Variants in RAB26 observed in about 807,000 individuals in gnomAD.
The protein encoded by RAB26 is ras-related protein Rab-26.
RAB26 carries 39 observed loss-of-function variants against 33.1 expected under a neutral mutation model. That is an observed-to-expected ratio of 1.18 (90% CI 0.91 to 1.54). RAB26 has a LOEUF of 1.54. Among genes scored for constraint, RAB26 ranks in the 40% most tolerant of loss-of-function variants. The probability of loss-of-function intolerance (pLI) is 0.00; values close to 1 mark genes in which losing one functional copy is unlikely to be tolerated. For synonymous variants in RAB26, 192 were observed against 151.9 expected (o/e 1.26, Z -1.94); for missense variants, 468 against 362.9 (o/e 1.29, Z -2.35).
chr16:2,149,005 C>T, intron 1 of RAB26, 27 bp downstream of exon 1: 1 of 1,266,262 alleles, frequency 7.9e-7, no homozygotes, highest in Non-Finnish European at 9.9e-7. Flanking sequence ...CCCCCCAGGC[C>T]AGCGCAGCAG....
upstream of RAB26, chr16:2,148,427 C>T (rs1267179761): frequency 6.6e-6 from 1 of 152,258 alleles, no homozygotes; most frequent in African/African-American, 2.4e-5. Context: ...TGTCACCCCA[C>T]AGCTGGCTCC....
At position 2,148,988 on chromosome 16, in the gene RAB26, G is replaced by C; in HGVS notation, c.195+10G>C. The C allele has an allele frequency of 1.6e-6, 2 of 1,274,252 alleles. No individual in the cohort carries two copies. Among genetic ancestry groups the C allele is most frequent in the Non-Finnish European group, 9.9e-7 (1 of 1,009,502 alleles). 78.9% of individuals were successfully genotyped at this position (1,274,252 alleles called of 1,614,324 possible). On this transcript the variant is annotated intron_variant, in intron 1 of 8. Coordinates refer to ENST00000210187, the MANE Select transcript of RAB26 (RefSeq NM_014353.5). ...CGACGTCGCCTTCAAGGTGAGCCAG[G>C]CACCCGCCCCCCAGGCCAGCGCAGC...
intron 2 of RAB26, 122 bp from the exon 3 acceptor site, chr16:2,151,447 C>G: frequency 7.1e-7 from 1 of 1,409,204 alleles, no homozygotes; most frequent in African/African-American, 1.4e-5. Context: ...TAAGGGAAGC[C>G]TGCAGGGGCT....
chr16:2,151,733 T>TA lies in RAB26; in HGVS notation c.388dup (p.Thr130AsnfsTer24). On this transcript the variant is annotated frameshift_variant, in exon 4 of 9. Coordinates refer to ENST00000210187, the MANE Select transcript of RAB26 (RefSeq NM_014353.5). LOFTEE classifies it high-confidence loss of function. ...CTGGTCAGGAGCGGTTCCGCAGTGTTACCCATGCCTACTACCGGGATGCTC... is the reference window on the plus strand; with the variant it reads ...CTGGTCAGGAGCGGTTCCGCAGTGTTAACCCATGCCTACTACCGGGATGCTC... 6.2e-7 allele frequency: 1 copy of TA among 1,613,962 alleles called. No individual in the cohort carries two copies. Among genetic ancestry groups the TA allele is most frequent in the Non-Finnish European group, 8.5e-7 (1 of 1,180,024 alleles).
chr16:2,148,876 C>G lies in RAB26; in HGVS notation c.93C>G (p.Ser31=). 7.3e-7 allele frequency: 1 copy of G among 1,377,454 alleles called. No individual in the cohort carries two copies. The highest frequency in any genetic ancestry group is 3.1e-5 in the East Asian group (1 of 32,666). 85.3% of individuals were successfully genotyped at this position (1,377,454 alleles called of 1,614,324 possible). ...PTANGARPAR[S]GTALSGPDAP... is the part of the protein sequence containing the mutation. The stretch of plus-strand genomic sequence containing the variant: ...CCAACGGGGCCCGACCGGCGCGCTC[C>G]GGGACTGCGCTTTCCGGCCCCGACG... Residue 31 remains serine, a synonymous_variant, in exon 1 of 9, where the codon TCC becomes TCG. Coordinates refer to ENST00000210187, the MANE Select transcript of RAB26 (RefSeq NM_014353.5).
Position 2,151,708 on chromosome 16 carries a change from C to T in RAB26, c.362C>T (p.Ala121Val). ...CTGTCGCTGCAGATGTGGGACACAG[C>T]TGGTCAGGAGCGGTTCCGCAGTGTT... ...VKVKLQMWDT[A>V]GQERFRSVTH... is the part of the protein sequence containing the mutation. The change falls in exon 4 of 9, where the codon GCT becomes GTT. Residue 121 changes from alanine (A) to valine (V), a missense_variant. Coordinates refer to ENST00000210187, the MANE Select transcript of RAB26 (RefSeq NM_014353.5). The T allele has an allele frequency of 6.2e-7, 1 of 1,613,984 alleles. No individual in the cohort carries two copies. The highest frequency in any genetic ancestry group is 8.5e-7 in the Non-Finnish European group (1 of 1,180,028).
In RAB26 at chr16:2,151,871, A is replaced by C; in HGVS notation, c.431A>C (p.Tyr144Ser). ...CTGTCCCCAGCTCTGCTGCTGCTCT[A>C]CGATGTCACCAACAAGGCCTCCTTT... ...YRDAHALLLL[Y>S]DVTNKASFDN... is the part of the protein sequence containing the mutation. The change falls in exon 5 of 9, where the codon TAC (tyrosine) becomes TCC (serine). Residue 144 changes from tyrosine (Y) to serine (S), a missense_variant. Physicochemically the swap from Tyr to Ser is moderately radical, Grantham distance 144. Coordinates refer to ENST00000210187, the MANE Select transcript of RAB26 (RefSeq NM_014353.5). The C allele has an allele frequency of 6.2e-7, 1 of 1,614,112 alleles. No homozygotes were observed. The highest frequency in any genetic ancestry group is 2.2e-5 in the East Asian group (1 of 44,880).
chr16:2,153,015 G>A lies in RAB26; in HGVS notation c.561G>A (p.Val187=), dbSNP rs778561785. 44 of 1,600,046 alleles carry A rather than the reference G, an allele frequency of 2.7e-5. No homozygotes were observed. The highest frequency in any genetic ancestry group is 1.7e-4 in the Middle Eastern group (1 of 6,024). The change falls in exon 7 of 9, where the codon GTG becomes GTA. Residue 187 remains valine (V), a synonymous_variant. Transcript: ENST00000210187. ...TGGACTCTGCCCATGAGCGTGTGGT[G>A]AAGAGGGAGGACGGGGAGAAGCTGG... The part of the protein sequence containing the change: ...NKVDSAHERV[V]KREDGEKLAK...
Position 2,149,947 on chromosome 16 carries a change from C to G in RAB26, c.202C>G (p.Leu68Val). 1 of 1,535,276 alleles carries G rather than the reference C, an allele frequency of 6.5e-7. No homozygotes were observed. Among genetic ancestry groups the G allele is most frequent in the Admixed American group, 2.0e-5 (1 of 48,884 alleles). The change falls in exon 2 of 9, where the codon CTG becomes GTG. Residue 68 changes from leucine (L) to valine (V), a missense_variant. Leu to Val is a conservative substitution (Grantham distance 32, BLOSUM62 1). Coordinates refer to ENST00000210187, the MANE Select transcript of RAB26 (RefSeq NM_014353.5). The part of the protein sequence containing the change: ...DFYDVAFKVM[L>V]VGDSGVGKTC... ...ACCCTCCTGCTTGTCCTAGGTCATGCTGGTGGGGGACTCGGGTGTGGGGAA... is the reference window on the plus strand; with the variant it reads ...ACCCTCCTGCTTGTCCTAGGTCATGGTGGTGGGGGACTCGGGTGTGGGGAA...
chr16:2,153,419 T>C lies in RAB26; in HGVS notation c.769T>C (p.Ter257ArgextTer15), dbSNP rs143860195. 7 of 1,613,238 alleles carry C rather than the reference T, an allele frequency of 4.3e-6. No homozygotes were observed. The highest frequency in any genetic ancestry group is 5.9e-6 in the Non-Finnish European group (7 of 1,179,956). The change falls in exon 9 of 9, where the codon TGA becomes CGA. Residue 257 changes from the stop codon to arginine, a stop_lost. Transcript: ENST00000210187. ...EGRGASCCRP[*>R] The stretch of plus-strand genomic sequence containing the variant: ...TCGAGGGGCCTCCTGCTGCCGCCCT[T>C]GAACCTGGCTGAGCTCAGTCCTCTG...
intron 4 of RAB26, 43 bp from the exon 5 acceptor site, chr16:2,151,813 G>A (rs1172085867): frequency 6.2e-7 from 1 of 1,613,952 alleles, no homozygotes; most frequent in African/African-American, 1.3e-5. Context: ...AGCACCTGAG[G>A]GTGCAGGTGA....
intron 2 of RAB26, 95 bp downstream of exon 2, chr16:2,150,146 G>A (rs1596656488): frequency 1.7e-6 from 2 of 1,160,354 alleles, no homozygotes; most frequent in East Asian, 3.0e-5. Flanking sequence ...CAGGCTCGAG[G>A]CCTGGACCCC....
At chr16:2,152,714 AAAGAT>A in intron 5 of RAB26, 101 bp from the exon 6 acceptor site, 1 of 820,048 alleles carries the variant, frequency 1.2e-6, no homozygotes, top group Non-Finnish European at 1.8e-6. Flanking sequence ...AAAAAAAAAA[AAAGAT>A]AAAGACAGGT....
intron 2 of RAB26, 35 bp downstream of exon 2, chr16:2,150,086 G>C (rs879563245): frequency 1.3e-6 from 2 of 1,503,180 alleles, no homozygotes; most frequent in South Asian, 1.3e-5. Flanking sequence ...CCACATCAGA[G>C]TCCCGCCGGT....
chr16:2,151,488 G>A, intron 2 of RAB26, 81 bp from the exon 3 acceptor site: 1 of 1,600,466 alleles, frequency 6.2e-7, no homozygotes. Context: ...GAGGTCTCAG[G>A]GGACAGGAAG....
intron 1 of RAB26, 137 bp from the exon 2 acceptor site, chr16:2,149,804 C>A: frequency 1.7e-6 from 1 of 596,152 alleles, no homozygotes; most frequent in Non-Finnish European, 2.9e-6. Context: ...GGTGTCCAGC[C>A]CATCGGGGTC....
At chr16:2,151,124 T>G in intron 2 of RAB26, 1 of 431,118 alleles carries the variant, frequency 2.3e-6, no homozygotes, top group Non-Finnish European at 4.6e-6. Context: ...TTTTATTCTT[T>G]TGAAGCAGGG....
At chr16:2,152,293 C>T (rs909858978) in intron 5 of RAB26, among the ~76,000 whole-genome samples, 1 of 152,124 alleles carries the variant, frequency 6.6e-6, no homozygotes, top group Non-Finnish European at 1.5e-5. Flanking sequence ...ACCTGTAATC[C>T]CAGCTACTCA....
chr16:2,149,878 C>T, intron 1 of RAB26, 63 bp from the exon 2 acceptor site: 1 of 1,304,412 alleles, frequency 7.7e-7, no homozygotes, highest in Non-Finnish European at 1.0e-6. Flanking sequence ...CACCTGCAGC[C>T]CCCTTCTGAC....
Sources: gnomAD v4.1 joint callset for allele counts (sites outside exome capture counted in the v4.1 genomes callset) on GRCh38, gnomAD v4.1.1 for gene constraint, MANE v1.5 for transcripts, NCBI Gene and HGNC (gene_info 2026-07-23, HGNC 2026-07-21) for gene names.